Variants in ADAM10 observed in about 807,000 individuals in gnomAD.
The protein encoded by ADAM10 is disintegrin and metalloproteinase domain-containing protein 10.
ADAM10 carries 17 observed loss-of-function variants against 90.1 expected under a neutral mutation model. The observed-to-expected ratio is 0.19, with a 90% CI of 0.13 to 0.28. ADAM10 has a LOEUF of 0.28. Ranked by LOEUF, ADAM10 falls within the 10% of genes least tolerant of loss-of-function variation. The probability of loss-of-function intolerance (pLI) is 1.00; values close to 1 mark genes in which losing one functional copy is unlikely to be tolerated. For missense variants in ADAM10, 610 were observed against 914.3 expected (o/e 0.67, Z 4.29); for synonymous variants, 310 against 298.6 (o/e 1.04, Z -0.40).
chr15:58,723,722 A>T (rs1212077340), intron 1 of ADAM10, among the ~76,000 whole-genome samples: 1 of 152,070 alleles, frequency 6.6e-6, no homozygotes, highest in African/African-American at 2.4e-5. Context: ...TAAAAAATAA[A>T]AAATAAACTC....
chr15:58,628,961 C>A (rs1896025615), intron 9 of ADAM10, among the ~76,000 whole-genome samples: 1 of 152,188 alleles, frequency 6.6e-6, no homozygotes, highest in South Asian at 2.1e-4. Context: ...TCTTCTGAAT[C>A]TAGATGCAGC....
In ADAM10 at chr15:58,591,936, T is replaced by A. The variant is rs1455324015; in HGVS notation, c.*5611A>T. The A allele has an allele frequency of 6.6e-6, 1 of 152,248 alleles. No individual in the cohort carries two copies. Among genetic ancestry groups the A allele is most frequent in the Admixed American group, 6.5e-5 (1 of 15,292 alleles). The allele number at this position is 152,248 out of a possible 1,614,324, so 9.4% of individuals were successfully genotyped here. A position where few individuals can be genotyped will look rare whatever the true frequency, so the allele number is the denominator to read the frequency against. On this transcript the variant is annotated 3_prime_UTR_variant, in exon 16 of 16. Transcript: ENST00000260408. ...CAAATAAGTCCATAAATTGTCTTGA[T>A]AGATGTAGCTCTTAAGTCTCCTTTA...
In ADAM10 at chr15:58,593,965, A is replaced by G. The variant is rs922206474; in HGVS notation, c.*3582T>C. On this transcript the variant is annotated 3_prime_UTR_variant, in exon 16 of 16. Transcript: ENST00000260408. ...CTAAACTGGTAATAAACGGAAAAGT[A>G]TATCAAATGGAAGTTGTTTTTAATC... The G allele has an allele frequency of 9.9e-5, 15 of 152,250 alleles. No homozygotes were observed. The highest frequency in any genetic ancestry group is 3.4e-4 in the African/African-American group (14 of 41,466). 9.4% of individuals were successfully genotyped at this position (152,250 alleles called of 1,614,324 possible). A position where few individuals can be genotyped will look rare whatever the true frequency, so the allele number is the denominator to read the frequency against.
intron 2 of ADAM10, among the ~76,000 whole-genome samples, chr15:58,711,159 AT>A (rs1441298197): frequency 1.6e-4 from 25 of 152,336 alleles, no homozygotes; most frequent in African/African-American, 5.1e-4. Flanking sequence ...TCAGAAAAAA[AT>A]AAAGTTGTAT....
intron 14 of ADAM10, 57 bp downstream of exon 14, chr15:58,610,240 A>G: frequency 6.8e-7 from 1 of 1,473,312 alleles, no homozygotes; most frequent in Non-Finnish European, 9.5e-7. Flanking sequence ...CTTCTGGCCA[A>G]GTAAAATTAA....
intron 1 of ADAM10, among the ~76,000 whole-genome samples, chr15:58,740,373 C>T (rs1372275704): frequency 6.7e-6 from 1 of 149,770 alleles, no homozygotes; most frequent in Non-Finnish European, 1.5e-5. Flanking sequence ...CGCACCACTG[C>T]ATTCCAGCCT....
chr15:58,691,334 A>C (rs1897782384), intron 2 of ADAM10: 1 of 1,174,560 alleles, frequency 8.5e-7, no homozygotes, highest in African/African-American at 1.5e-5. Context: ...GCTGCTGCAC[A>C]CAGTACTCAT....
chr15:58,662,870 A>T (rs567603431), intron 5 of ADAM10, among the ~76,000 whole-genome samples: 1 of 151,906 alleles, frequency 6.6e-6, no homozygotes. Context: ...GTCTTCCTGA[A>T]CTCTTAATTC....
At chr15:58,738,173 A>G (rs1255368746) in intron 1 of ADAM10, among the ~76,000 whole-genome samples, 1 of 152,248 alleles carries the variant, frequency 6.6e-6, no homozygotes. Context: ...ATGAGGTACC[A>G]ACAGCATTTT....
At chr15:58,624,766 C>T (rs1305075278) in intron 10 of ADAM10, among the ~76,000 whole-genome samples, 1 of 152,150 alleles carries the variant, frequency 6.6e-6, no homozygotes, top group African/African-American at 2.4e-5. Flanking sequence ...CTCCTGGCCT[C>T]AAGCAATCTC....
chr15:58,722,581 A>C (rs1898891009), intron 1 of ADAM10, among the ~76,000 whole-genome samples: 2 of 151,516 alleles, frequency 1.3e-5, no homozygotes, highest in South Asian at 4.2e-4. Context: ...AAAGATAAGC[A>C]ATTTGGCTGA....
In ADAM10 at chr15:58,684,847, C is replaced by G. The variant is rs562421469; in HGVS notation, c.207-2533G>C. ...GAAAGCAGTGTTGTAGGAATGGGCC[C>G]TTAAGCTGTGGGGTCTGCACTAGCT... On this transcript the variant is annotated intron_variant, in intron 2 of 15. Transcript: ENST00000260408. 5.3e-5 allele frequency among the ~76,000 whole-genome samples: 8 copies of G among 152,254 alleles called. No individual in the cohort carries two copies. In the South Asian group the frequency reaches 1.7e-3, roughly 32 times the overall value.
At chr15:58,714,019 T>C (rs1044116403) in intron 2 of ADAM10, among the ~76,000 whole-genome samples, 11 of 152,072 alleles carry the variant, frequency 7.2e-5, no homozygotes, top group Admixed American at 6.5e-4. Context: ...TTGGCCATGA[T>C]GGCCTCGATC....
chr15:58,625,407 T>C (rs910718159), intron 10 of ADAM10, among the ~76,000 whole-genome samples: 4 of 152,154 alleles, frequency 2.6e-5, no homozygotes, highest in Admixed American at 6.5e-5. Flanking sequence ...CATGAAAAGA[T>C]GTTCAGCATC....
chr15:58,714,448 T>TA (rs1474457152), intron 2 of ADAM10, among the ~76,000 whole-genome samples: 1 of 152,080 alleles, frequency 6.6e-6, no homozygotes, highest in Non-Finnish European at 1.5e-5. Flanking sequence ...TATTATGTGT[T>TA]AAAGTATACT....
chr15:58,739,205 T>A (rs575559924), intron 1 of ADAM10, among the ~76,000 whole-genome samples: 3 of 152,090 alleles, frequency 2.0e-5, no homozygotes, highest in Non-Finnish European at 4.4e-5. Flanking sequence ...CCAAGAAAAT[T>A]TATAAATTCT....
chr15:58,719,525 A>C (rs1898773984), intron 1 of ADAM10, among the ~76,000 whole-genome samples: 2 of 152,170 alleles, frequency 1.3e-5, no homozygotes, highest in Non-Finnish European at 2.9e-5. Context: ...TCTATTATCC[A>C]ACACTAAATT....
At chr15:58,634,077 G>A (rs1458727810) in intron 8 of ADAM10, among the ~76,000 whole-genome samples, 5 of 151,956 alleles carry the variant, frequency 3.3e-5, no homozygotes, top group Admixed American at 6.6e-5. Context: ...TTGGGAGGCC[G>A]AGGCAGGCAG....
chr15:58,660,395 G>A (rs1015324004), intron 5 of ADAM10, among the ~76,000 whole-genome samples: 15 of 151,534 alleles, frequency 9.9e-5, no homozygotes, highest in Admixed American at 9.9e-4. Context: ...CATTTAAATT[G>A]CATTTCTTTT....
Sources: allele counts gnomAD v4.1 joint callset (sites outside exome capture counted in the v4.1 genomes callset), GRCh38; gene constraint gnomAD v4.1.1; transcripts MANE v1.5; gene names NCBI Gene and HGNC (gene_info 2026-07-23, HGNC 2026-07-21).